PCDHA8: variants seen among roughly 807,000 people sequenced by gnomAD.
PCDHA8 encodes protocadherin alpha 8, also known as protocadherin alpha-8.
Under a neutral mutation model 61.8 loss-of-function variants are expected in PCDHA8, and 53 were observed. The ratio of observed to expected loss-of-function variants is 0.86; its 90% CI spans 0.69 to 1.08. The LOEUF is 1.08. Ranked by LOEUF, PCDHA8 falls within the 50% of genes least tolerant of loss-of-function variation. PCDHA8 has a pLI of 0.00. For synonymous variants in PCDHA8, 618 were observed against 556.6 expected (o/e 1.11, Z -1.55); for missense variants, 1,293 against 1,245.0 (o/e 1.04, Z -0.58).
rs2150374471 is a variant in PCDHA8, at chr5:140,844,869, T to C, written c.2394+1154T>C. Among the ~76,000 whole-genome samples the C allele has an allele frequency of 2.0e-5, 3 of 149,476 alleles. No homozygotes were observed. The Admixed American group carries it at 2.0e-4, about 10-fold the overall frequency. On this transcript the variant is annotated intron_variant, in intron 1 of 3. Transcript: ENST00000531613. ...CTGTTGGACCTGCCTGGATATTAAA[T>C]ACCCATTAGACTTCGTGCATATTGC... is the stretch of plus-strand genomic sequence containing the variant.
Position 140,857,895 on chromosome 5 carries a change from G to C in PCDHA8, c.2394+14180G>C. 1.3e-6 allele frequency: 2 copies of C among 1,597,868 alleles called. 1 individual carries two copies. The highest frequency in any genetic ancestry group is 2.2e-5 in the South Asian group (2 of 90,498). ...TATGAATTGCAGTCGGCGGCGGTTG[G>C]TGCACGCATCCCGTTTCGCGTGGGG... On this transcript the variant is annotated intron_variant, in intron 1 of 3. Coordinates refer to ENST00000531613, the MANE Select transcript of PCDHA8 (RefSeq NM_018911.3).
chr5:140,901,263 G>A (rs967047702), intron 1 of PCDHA8, among the ~76,000 whole-genome samples: 1 of 151,938 alleles, frequency 6.6e-6, no homozygotes, highest in Admixed American at 6.6e-5. Flanking sequence ...GTGATTGTGG[G>A]GTATTACTCA....
rs1554262827 is a variant in PCDHA8 at position 141,010,253 on chromosome 5, C to A, written c.*316C>A. The A allele has an allele frequency of 3.2e-6, 5 of 1,551,834 alleles. No homozygotes were observed. The highest frequency in any genetic ancestry group is 1.7e-4 in the Middle Eastern group (1 of 5,990). On this transcript the variant is annotated 3_prime_UTR_variant, in exon 4 of 4. Transcript: ENST00000531613. ...CGCCAGTGAGAGGTTGGACTCTCTG[C>A]CCTGTGCTCCGGGGATCCTGTCTTG...
rs2096251050 is a variant in PCDHA8, at chr5:140,968,498, C to T, written c.2395-10451C>T. 3 of 1,614,190 alleles carry T rather than the reference C, an allele frequency of 1.9e-6. No individual in the cohort carries two copies. The highest frequency in any genetic ancestry group is 2.5e-6 in the Non-Finnish European group (3 of 1,180,042). The stretch of plus-strand genomic sequence containing the variant: ...GGTGGACATGAATGACCATGCCCCT[C>T]ACATTCTGTACCCTACCTCAACCAA... On this transcript the variant is annotated intron_variant, in intron 1 of 3. Coordinates refer to ENST00000531613, the MANE Select transcript of PCDHA8 (RefSeq NM_018911.3).
chr5:140,858,135 T>G lies in PCDHA8; in HGVS notation c.2394+14420T>G, dbSNP rs1215623176. 3 of 1,597,334 alleles carry G rather than the reference T, an allele frequency of 1.9e-6. No homozygotes were observed. The African/African-American group carries it at 4.0e-5, about 21-fold the overall frequency. ...GAGGTGGCCCTGGTGGATGTCAACG[T>G]GTACCTGATCATCGCCATCTGCGCG... is the stretch of plus-strand genomic sequence containing the variant. On this transcript the variant is annotated intron_variant, in intron 1 of 3. Transcript: ENST00000531613.
chr5:140,881,596 T>G (rs1420240994), intron 1 of PCDHA8, among the ~76,000 whole-genome samples: 1 of 152,240 alleles, frequency 6.6e-6, no homozygotes, highest in African/African-American at 2.4e-5. Flanking sequence ...GGAAATTTAT[T>G]AATATGATGT....
intron 1 of PCDHA8, among the ~76,000 whole-genome samples, chr5:140,976,855 G>A (rs946538789): frequency 9.9e-5 from 15 of 152,142 alleles, no homozygotes; most frequent in Non-Finnish European, 1.5e-4. Flanking sequence ...CTTTCATAGA[G>A]TTTACTGTCT....
intron 1 of PCDHA8, among the ~76,000 whole-genome samples, chr5:140,964,342 C>T (rs2095825714): frequency 6.6e-6 from 1 of 152,184 alleles, no homozygotes; most frequent in Non-Finnish European, 1.5e-5. Context: ...TGGCAGGTGT[C>T]CTTGCTGGAA....
chr5:140,842,383 C>T lies in PCDHA8; in HGVS notation c.1062C>T (p.Ser354=). 1.2e-6 allele frequency: 2 copies of T among 1,610,796 alleles called. No homozygotes were observed. Among genetic ancestry groups the T allele is most frequent in the Non-Finnish European group, 1.7e-6 (2 of 1,177,110 alleles). ...ACGTCCCTGAGATAGCACTGACTTC[C>T]TTATCCTTGCCTGTACGTGAAGACG... ...NDNVPEIALT[S]LSLPVREDAQ... The change falls in exon 1 of 4, where the codon TCC becomes TCT. Residue 354 remains serine (S), a synonymous_variant. Coordinates refer to ENST00000531613, the MANE Select transcript of PCDHA8 (RefSeq NM_018911.3).
chr5:140,968,022 A>G (rs782399233), intron 1 of PCDHA8: 3 of 1,614,142 alleles, frequency 1.9e-6, no homozygotes, highest in South Asian at 2.2e-5. Flanking sequence ...GGAAACTCCT[A>G]TACACTGGTG....
At chr5:140,944,344 C>T (rs567913669) in intron 1 of PCDHA8, among the ~76,000 whole-genome samples, 5 of 152,238 alleles carry the variant, frequency 3.3e-5, no homozygotes, top group Admixed American at 2.0e-4. Context: ...CGTGCCACCA[C>T]ACCTGGCTAA....
rs534570289 is a variant in PCDHA8, at chr5:140,842,126, C to T, written c.805C>T (p.Pro269Ser). 1.2e-6 allele frequency: 2 copies of T among 1,613,822 alleles called. No individual in the cohort carries two copies. Among genetic ancestry groups the T allele is most frequent in the Non-Finnish European group, 1.7e-6 (2 of 1,179,836 alleles). Residue 269 changes from proline (P) to serine (S), a missense_variant, in exon 1 of 4, where the codon CCG becomes TCG. Coordinates refer to ENST00000531613, the MANE Select transcript of PCDHA8 (RefSeq NM_018911.3). Reference sequence around the variant, plus strand: ...AGTTATCAAACTGAATGCTTCTGATCCGGATGAAGGAGCCAATGGGGCAAT... The same window carrying T: ...AGTTATCAAACTGAATGCTTCTGATTCGGATGAAGGAGCCAATGGGGCAAT... ...TTVIKLNASD[P>S]DEGANGAISY...
chr5:140,982,992 A>G (rs1413932820), intron 3 of PCDHA8, among the ~76,000 whole-genome samples: 1 of 151,958 alleles, frequency 6.6e-6, no homozygotes, highest in African/African-American at 2.4e-5. Flanking sequence ...GAGAAAAAGA[A>G]GGAAAGAAAG....
chr5:140,987,263 G>C (rs1034230893), intron 3 of PCDHA8, among the ~76,000 whole-genome samples: 14 of 151,908 alleles, frequency 9.2e-5, no homozygotes, highest in Non-Finnish European at 1.8e-4. Context: ...CTCAGGAATG[G>C]GACCCGGCAG....
At chr5:140,983,379 C>T (rs1169260784) in intron 3 of PCDHA8, among the ~76,000 whole-genome samples, 1 of 152,162 alleles carries the variant, frequency 6.6e-6, no homozygotes, top group Non-Finnish European at 1.5e-5. Context: ...AGGCCCATCG[C>T]TGTGGCAGTT....
chr5:140,945,654 AT>A (rs1230046600), intron 1 of PCDHA8, among the ~76,000 whole-genome samples: 5 of 152,294 alleles, frequency 3.3e-5, no homozygotes, highest in Admixed American at 3.3e-4. Flanking sequence ...ATGGAGCAGA[AT>A]ACAGCTCCCA....
intron 3 of PCDHA8, among the ~76,000 whole-genome samples, chr5:140,995,391 G>A (rs2097681152): frequency 1.3e-5 from 2 of 152,170 alleles, no homozygotes; most frequent in African/African-American, 2.4e-5. Context: ...AGGATAAAGC[G>A]GGATGGCTCG....
At chr5:140,971,958 C>G (rs2096508715) in intron 1 of PCDHA8, among the ~76,000 whole-genome samples, 1 of 152,054 alleles carries the variant, frequency 6.6e-6, no homozygotes, top group Non-Finnish European at 1.5e-5. Context: ...ACTCCAAAAA[C>G]TTTTTTTCAA....
intron 1 of PCDHA8, among the ~76,000 whole-genome samples, chr5:140,961,451 T>C (rs1307588711): frequency 1.3e-5 from 2 of 152,238 alleles, no homozygotes; most frequent in Non-Finnish European, 2.9e-5. Context: ...TACACTGTCT[T>C]GCAGCTGCCT....
Sources: gnomAD v4.1 joint callset for allele counts (sites outside exome capture counted in the v4.1 genomes callset) on GRCh38, gnomAD v4.1.1 for gene constraint, MANE v1.5 for transcripts, NCBI Gene and HGNC (gene_info 2026-07-23, HGNC 2026-07-21) for gene names.